SOX6: variants seen among roughly 807,000 people sequenced by gnomAD.
SOX6 encodes the protein SRY-box transcription factor 6, also known as transcription factor SOX-6.
In SOX6, 11 loss-of-function variants were observed where a neutral mutation model predicts 97.8. The ratio of observed to expected loss-of-function variants is 0.11; its 90% CI spans 0.07 to 0.19. The LOEUF (loss-of-function observed/expected upper bound fraction) is 0.19. SOX6 is among the 10% of genes least tolerant of loss of function. The probability of loss-of-function intolerance (pLI) is 1.00; values close to 1 mark genes in which losing one functional copy is unlikely to be tolerated. For synonymous variants in SOX6, 360 were observed against 371.4 expected, an observed-to-expected ratio of 0.97 and a Z score of 0.35; for missense variants, 810 against 1,039.5, an observed-to-expected ratio of 0.78 and a Z score of 3.04.
Position 16,284,901 on chromosome 11 carries a change from C to T in SOX6, c.445+33545G>A, listed in dbSNP as rs140521238. On this transcript the variant is annotated intron_variant, in intron 3 of 15. Coordinates refer to ENST00000683767, the MANE Select transcript of SOX6 (RefSeq NM_001367873.1). ...GAATGATTTTTCAGTAATAATGAAA[C>T]ACATGTCCTAAGGTCTAAACACTTT... Among the ~76,000 whole-genome samples the T allele has an allele frequency of 9.9e-3, 1,506 of 152,218 alleles. 14 individuals carry two copies. Among genetic ancestry groups the T allele is most frequent in the Middle Eastern group, 0.024 (7 of 294 alleles).
At chr11:16,632,151 T>A (rs746286507) in intron 3 of SOX6, among the ~76,000 whole-genome samples, 1 of 152,182 alleles carries the variant, frequency 6.6e-6, no homozygotes, top group African/African-American at 2.4e-5. Flanking sequence ...ACATTCAGAT[T>A]TTTCATGGTG....
At chr11:16,004,582 C>T (rs2133849449) in intron 13 of SOX6, among the ~76,000 whole-genome samples, 1 of 151,534 alleles carries the variant, frequency 6.6e-6, no homozygotes, top group Admixed American at 6.6e-5. Context: ...TCTGATGGGC[C>T]CACCAATACT....
chr11:16,016,288 T>C (rs931837621), intron 12 of SOX6, among the ~76,000 whole-genome samples: 1 of 152,218 alleles, frequency 6.6e-6, no homozygotes, highest in East Asian at 1.9e-4. Context: ...GTGCAGGAAG[T>C]CTTCCAGTTC....
chr11:16,547,700 A>G (rs1847637867), intron 4 of SOX6, among the ~76,000 whole-genome samples: 1 of 152,118 alleles, frequency 6.6e-6, no homozygotes, highest in Non-Finnish European at 1.5e-5. Context: ...AGAAGGAATA[A>G]ATTCTAATGT....
chr11:16,529,899 C>A (rs925603252), intron 4 of SOX6, among the ~76,000 whole-genome samples: 7 of 151,676 alleles, frequency 4.6e-5, no homozygotes, highest in Non-Finnish European at 1.0e-4. Context: ...AATTTATGAC[C>A]TATTATTATT....
chr11:16,522,331 T>C (rs1366782854), intron 4 of SOX6, among the ~76,000 whole-genome samples: 1 of 152,186 alleles, frequency 6.6e-6, no homozygotes, highest in Non-Finnish European at 1.5e-5. Context: ...ATATTCAATA[T>C]TCTTAAAGAA....
At chr11:16,702,307 C>G (rs1003670602) in intron 3 of SOX6, among the ~76,000 whole-genome samples, 4 of 152,152 alleles carry the variant, frequency 2.6e-5, no homozygotes, top group Non-Finnish European at 5.9e-5. Flanking sequence ...TCATTTTACT[C>G]AGGACCCAAA....
At chr11:16,720,249 T>C (rs1025473898) in intron 2 of SOX6, among the ~76,000 whole-genome samples, 2 of 148,156 alleles carry the variant, frequency 1.3e-5, no homozygotes, top group African/African-American at 5.0e-5. Context: ...CACACGTATG[T>C]TTATTGCGGC....
intron 9 of SOX6, among the ~76,000 whole-genome samples, chr11:16,085,417 A>T (rs1848556527): frequency 6.6e-6 from 1 of 152,324 alleles, no homozygotes; most frequent in African/African-American, 2.4e-5. Flanking sequence ...GCCTCTGAGA[A>T]GGAGTTTGAT....
intron 1 of SOX6, among the ~76,000 whole-genome samples, chr11:16,380,529 A>G (rs754890639): frequency 5.9e-5 from 9 of 152,124 alleles, no homozygotes; most frequent in Non-Finnish European, 1.3e-4. Context: ...CCAATTGTTT[A>G]ACAAGTCCAT....
chr11:15,968,526 T>C lies in SOX6; in HGVS notation c.*4283A>G, dbSNP rs879765972. On this transcript the variant is annotated 3_prime_UTR_variant, in exon 16 of 16. Transcript: ENST00000683767. ...TCAAGTGACCAGGCTGCCTTCCTAC[T>C]GAGGGTAAATGGGCTTTCCTGAAAC... The C allele has an allele frequency of 6.6e-6, 1 of 152,234 alleles. No individual in the cohort carries two copies. The highest frequency in any genetic ancestry group is 2.4e-5 in the African/African-American group (1 of 41,464). The allele number at this position is 152,234 out of a possible 1,614,324, so 9.4% of individuals were successfully genotyped here.
chr11:16,442,891 A>G (rs1450297160), intron 1 of SOX6, among the ~76,000 whole-genome samples: 4 of 152,180 alleles, frequency 2.6e-5, no homozygotes, highest in African/African-American at 9.7e-5. Context: ...ATCAAAATTA[A>G]TTAGTTGAAA....
chr11:16,516,175 C>T (rs1336147920), intron 4 of SOX6, among the ~76,000 whole-genome samples: 6 of 150,632 alleles, frequency 4.0e-5, no homozygotes, highest in South Asian at 2.1e-4. Flanking sequence ...TCTTCCTACC[C>T]ATGAGCATGG....
chr11:16,477,025 T>C (rs1860264783), upstream of SOX6, among the ~76,000 whole-genome samples: 1 of 152,240 alleles, frequency 6.6e-6, no homozygotes, highest in African/African-American at 2.4e-5. Flanking sequence ...TTTATGCCTC[T>C]ACATGCCTAT....
intron 6 of SOX6, among the ~76,000 whole-genome samples, chr11:16,147,449 T>C (rs575024068): frequency 2.5e-4 from 38 of 152,118 alleles, no homozygotes; most frequent in Admixed American, 2.1e-3. Flanking sequence ...CATGTATACA[T>C]ATGTAACAAA....
chr11:16,080,296 A>T (rs1051133136), intron 9 of SOX6, among the ~76,000 whole-genome samples: 8 of 151,648 alleles, frequency 5.3e-5, no homozygotes, highest in African/African-American at 1.9e-4. Context: ...AGAAATTTAG[A>T]AAAAATGAGG....
At chr11:16,357,372 C>G (rs183964514), upstream of SOX6, among the ~76,000 whole-genome samples, 1 of 152,028 alleles carries the variant, frequency 6.6e-6, no homozygotes, top group South Asian at 2.1e-4. Context: ...GATTTCTGTG[C>G]GGGAGAATTA....
chr11:16,203,259 T>A (rs1052233570), intron 4 of SOX6, among the ~76,000 whole-genome samples: 1 of 152,096 alleles, frequency 6.6e-6, no homozygotes, highest in Admixed American at 6.5e-5. Flanking sequence ...TTATAAAAAT[T>A]TAGCTTTCTG....
intron 2 of SOX6, among the ~76,000 whole-genome samples, chr11:16,335,567 A>G (rs1208339119): frequency 6.6e-6 from 1 of 152,212 alleles, no homozygotes; most frequent in African/African-American, 2.4e-5. Context: ...TTAAATGACA[A>G]AATCTTACAA....
Sources: gnomAD v4.1 joint callset for allele counts (sites outside exome capture counted in the v4.1 genomes callset) on GRCh38, gnomAD v4.1.1 for gene constraint, MANE v1.5 for transcripts, NCBI Gene and HGNC (gene_info 2026-07-23, HGNC 2026-07-21) for gene names.